The following EEF2K variants were observed in gnomAD, a reference collection of about 807,000 sequenced individuals.
EEF2K encodes alternative protein EEF2K.
In EEF2K, 70 loss-of-function variants were observed where a neutral mutation model predicts 93.8. That is an observed-to-expected ratio of 0.75 (90% CI 0.62 to 0.91). EEF2K has a LOEUF of 0.91. Ranked by LOEUF, EEF2K falls within the 40% of genes least tolerant of loss-of-function variation. The pLI is 0.00. For missense variants in EEF2K, 935 were observed against 972.9 expected, an observed-to-expected ratio of 0.96 and a Z score of 0.52; for synonymous variants, 376 against 380.8, an observed-to-expected ratio of 0.99 and a Z score of 0.15.
intron 1 of EEF2K, among the ~76,000 whole-genome samples, chr16:22,220,826 A>C (rs2047004997): frequency 6.6e-6 from 1 of 152,162 alleles, no homozygotes; most frequent in African/African-American, 2.4e-5. Context: ...TCCTCCTGGC[A>C]CTGTCCTGGC....
chr16:22,212,411 C>T (rs1224986715), intron 1 of EEF2K, among the ~76,000 whole-genome samples: 2 of 151,962 alleles, frequency 1.3e-5, no homozygotes, highest in Admixed American at 1.3e-4. Flanking sequence ...GCAACCTCCG[C>T]CTCCCAGGTT....
At chr16:22,262,777 C>T (rs1323379959) in intron 11 of EEF2K, among the ~76,000 whole-genome samples, 1 of 152,174 alleles carries the variant, frequency 6.6e-6, no homozygotes, top group Non-Finnish European at 1.5e-5. Flanking sequence ...AGTTAAGCAA[C>T]TGCCCAAGGT....
intron 2 of EEF2K, among the ~76,000 whole-genome samples, chr16:22,242,605 C>G (rs1259331261): frequency 6.6e-6 from 1 of 152,094 alleles, no homozygotes; most frequent in East Asian, 1.9e-4. Context: ...AGCCACCATG[C>G]CTGGCTACTC....
In EEF2K at chr16:22,265,490, G is replaced by A. The variant is rs77119721; in HGVS notation, c.1440+610G>A. On this transcript the variant is annotated intron_variant, in intron 13 of 17. Coordinates refer to ENST00000263026, the MANE Select transcript of EEF2K (RefSeq NM_013302.5). The stretch of plus-strand genomic sequence containing the variant: ...CTGCTCTCCAAGCCTGGATCCCAGG[G>A]CCCCTCGTCCAGGAGCCTTCCCTGG... Among the ~76,000 whole-genome samples the A allele has an allele frequency of 6.6e-5, 10 of 152,280 alleles. No homozygotes were observed. In the East Asian group the frequency reaches 1.7e-3, roughly 26 times the overall value.
intron 16 of EEF2K, 82 bp downstream of exon 16, chr16:22,273,832 G>A (rs1458025490): frequency 6.4e-7 from 1 of 1,553,190 alleles, no homozygotes; most frequent in Admixed American, 2.0e-5. Context: ...GCACAGGCCT[G>A]GGTTCCAGTC....
At position 22,251,306 on chromosome 16, in the gene EEF2K, A is replaced by G; in HGVS notation, c.602A>G (p.His201Arg). ...CTCTGGGGGGAGGAGTATAATCGGCACAAGCCCCCCAAGCAGGTGCGTGGC... is the reference window on the plus strand; with the variant it reads ...CTCTGGGGGGAGGAGTATAATCGGCGCAAGCCCCCCAAGCAGGTGCGTGGC... The part of the protein sequence containing the change: ...AKLWGEEYNR[H>R]KPPKQVDIMQ... Residue 201 changes from histidine to arginine, a missense_variant, in exon 6 of 18, where the codon CAC becomes CGC. Transcript: ENST00000263026. 1 of 1,613,982 alleles carries G rather than the reference A, an allele frequency of 6.2e-7. No individual in the cohort carries two copies. Among genetic ancestry groups the G allele is most frequent in the Non-Finnish European group, 8.5e-7 (1 of 1,179,964 alleles).
At chr16:22,273,495 A>G (rs796879320) in intron 15 of EEF2K, 131 bp from the exon 16 acceptor site, 3 of 1,345,008 alleles carry the variant, frequency 2.2e-6, no homozygotes, top group African/African-American at 2.9e-5. Flanking sequence ...GCCCCCTCCT[A>G]TCTCACTTCT....
At chr16:22,254,116 AG>A (rs767469724) in intron 6 of EEF2K, among the ~76,000 whole-genome samples, 4 of 150,334 alleles carry the variant, frequency 2.7e-5, no homozygotes, top group Non-Finnish European at 5.9e-5. Flanking sequence ...TAGTAGTAGT[AG>A]TAGTAGTAAC....
At chr16:22,231,547 G>A (rs2047115426) in intron 2 of EEF2K, among the ~76,000 whole-genome samples, 1 of 152,068 alleles carries the variant, frequency 6.6e-6, no homozygotes, top group Non-Finnish European at 1.5e-5. Flanking sequence ...TTAAAGGGGG[G>A]CTTTGTATAT....
intron 2 of EEF2K, among the ~76,000 whole-genome samples, chr16:22,239,159 G>C (rs919423892): frequency 6.6e-6 from 1 of 151,576 alleles, no homozygotes; most frequent in Admixed American, 6.6e-5. Flanking sequence ...CTCTGTTCTG[G>C]GTTTGGAAAA....
At chr16:22,247,646 T>C (rs1354030068) in intron 3 of EEF2K, among the ~76,000 whole-genome samples, 2 of 152,150 alleles carry the variant, frequency 1.3e-5, no homozygotes, top group Non-Finnish European at 2.9e-5. Flanking sequence ...TCATCTCCTT[T>C]TTGCCCAATC....
intron 1 of EEF2K, among the ~76,000 whole-genome samples, chr16:22,212,820 T>A (rs1018711191): frequency 7.2e-5 from 11 of 151,856 alleles, no homozygotes; most frequent in Non-Finnish European, 1.6e-4. Flanking sequence ...AAAAATTTTT[T>A]AAAATAAGCC....
intron 15 of EEF2K, among the ~76,000 whole-genome samples, chr16:22,270,097 C>T (rs910410840): frequency 4.0e-5 from 6 of 151,788 alleles, no homozygotes; most frequent in African/African-American, 1.2e-4. Context: ...GCTGGGATTA[C>T]AGGTGCCTGC....
rs755849618 is a variant in EEF2K, at chr16:22,251,215, C to T, written c.511C>T (p.Arg171Cys). Residue 171 changes from arginine to cysteine, a missense_variant, in exon 6 of 18, where the codon CGC (arginine) becomes TGC (cysteine). Arg to Cys is a radical substitution (Grantham distance 180). Coordinates refer to ENST00000263026, the MANE Select transcript of EEF2K (RefSeq NM_013302.5). ...WKGASNYVAKRYIEPVDRDVY... is the reference protein window; with the variant it reads ...WKGASNYVAKCYIEPVDRDVY... ...GGGCGCCTCCAACTACGTGGCGAAG[C>T]GCTACATCGAGCCCGTAGACCGGGA... 74 of 1,613,988 alleles carry T rather than the reference C, an allele frequency of 4.6e-5. No individual in the cohort carries two copies. The highest frequency in any genetic ancestry group is 4.4e-4 in the South Asian group (40 of 91,092).
At chr16:22,275,147 A>G (rs2047621971) in intron 16 of EEF2K, among the ~76,000 whole-genome samples, 1 of 152,122 alleles carries the variant, frequency 6.6e-6, no homozygotes, top group Non-Finnish European at 1.5e-5. Flanking sequence ...CACATCATGC[A>G]TGGGGCGGGG....
intron 2 of EEF2K, among the ~76,000 whole-genome samples, chr16:22,234,706 C>T (rs1598174307): frequency 6.6e-6 from 1 of 151,890 alleles, no homozygotes; most frequent in East Asian, 1.9e-4. Context: ...AAATTCTATA[C>T]CCCTTAGCCA....
At chr16:22,257,423 C>T (rs770848595) in intron 8 of EEF2K, 38 bp downstream of exon 8, 22 of 1,607,628 alleles carry the variant, frequency 1.4e-5, no homozygotes, top group Admixed American at 6.8e-5. Context: ...GCAGAAACCA[C>T]GCTCCCTGCT....
At chr16:22,262,286 C>T (rs1308649983) in intron 11 of EEF2K, among the ~76,000 whole-genome samples, 3 of 152,148 alleles carry the variant, frequency 2.0e-5, no homozygotes, top group South Asian at 2.1e-4. Context: ...CCAAGGCAGG[C>T]GGATCACAAG....
At chr16:22,236,454 G>A (rs760323094) in intron 2 of EEF2K, among the ~76,000 whole-genome samples, 4 of 149,258 alleles carry the variant, frequency 2.7e-5, no homozygotes, top group Non-Finnish European at 5.9e-5. Flanking sequence ...TTTTGTATTT[G>A]TAGTAGAGGC....
Sources: gnomAD v4.1 joint callset for allele counts (sites outside exome capture counted in the v4.1 genomes callset) on GRCh38, gnomAD v4.1.1 for gene constraint, MANE v1.5 for transcripts, NCBI Gene and HGNC (gene_info 2026-07-23, HGNC 2026-07-21) for gene names.